Variants in ZFYVE26 observed in about 807,000 individuals in gnomAD.
The protein encoded by ZFYVE26 is zinc finger FYVE-type containing 26, also known as zinc finger FYVE domain-containing protein 26.
A neutral mutation model predicts 276.5 loss-of-function variants in ZFYVE26; 181 were observed. The ratio of observed to expected loss-of-function variants is 0.65; its 90% CI spans 0.58 to 0.74. The LOEUF (loss-of-function observed/expected upper bound fraction) is 0.74. Among genes scored for constraint, ZFYVE26 ranks in the 30% least tolerant of loss-of-function variants. ZFYVE26 has a pLI of 0.00. For missense variants in ZFYVE26, 2,821 were observed against 3,097.9 expected (o/e 0.91, Z 2.12); for synonymous variants, 1,129 against 1,203.1 (o/e 0.94, Z 1.27).
intron 39 of ZFYVE26, 59 bp downstream of exon 39, chr14:67,753,648 C>T (rs2038704600): frequency 1.3e-6 from 2 of 1,545,062 alleles, no homozygotes; most frequent in African/African-American, 2.7e-5. Flanking sequence ...ATAATCTCTC[C>T]CGGAACTGTG....
At chr14:67,733,931 T>C (rs971123790) in intron 13 of ZFYVE26, 42 of 1,040,884 alleles carry the variant, frequency 4.0e-5, no homozygotes, top group Middle Eastern at 4.4e-4. Context: ...CCTAAAGGAT[T>C]GTCCTCTTGG....
intron 28 of ZFYVE26, chr14:67,770,137 C>A: frequency 3.5e-6 from 1 of 287,706 alleles, no homozygotes; most frequent in South Asian, 3.7e-5. Flanking sequence ...GTTATTTTAG[C>A]AGGTGCCATT....
rs771261800 is a variant in ZFYVE26 at position 67,766,286 on chromosome 14, G to C, written c.5952C>G (p.Phe1984Leu). Residue 1984 changes from phenylalanine (F) to leucine (L), a missense_variant, in exon 32 of 42, where the codon TTC (phenylalanine) becomes TTG (leucine). Coordinates refer to ENST00000347230, the MANE Select transcript of ZFYVE26 (RefSeq NM_015346.4). ...LLTDIMKQLL[F>L]SAKMMFVKAG... is the part of the protein sequence containing the mutation. ...CTTTGACGAACATCATCTTGGCGCT[G>C]AACAGCAGCTGCTTCATGATGTCCG... 1.7e-5 allele frequency: 28 copies of C among 1,613,824 alleles called. No homozygotes were observed. Among genetic ancestry groups the C allele is most frequent in the Admixed American group, 8.3e-5 (5 of 60,006 alleles).
In ZFYVE26 at chr14:67,766,416, A is replaced by G. The variant is rs1064796739; in HGVS notation, c.5822T>C (p.Leu1941Pro). ...APSASLCIAI[L>P]NLHRDSIACG... ...GGCAATGCTGTCCCGGTGCAGATTC[A>G]GGATGGCAATGCACAAGGAGGCGCT... The change falls in exon 32 of 42, where the codon CTG becomes CCG. Residue 1941 changes from leucine to proline, a missense_variant. By Grantham distance (98) the Leu-to-Pro change is moderately conservative (BLOSUM62 -3). Transcript: ENST00000347230. 2 of 1,612,404 alleles carry G rather than the reference A, an allele frequency of 1.2e-6. No individual in the cohort carries two copies. Among genetic ancestry groups the G allele is most frequent in the Non-Finnish European group, 1.7e-6 (2 of 1,180,014 alleles).
downstream of ZFYVE26, among the ~76,000 whole-genome samples, chr14:67,745,862 C>G (rs184053683): frequency 0.034 from 4,538 of 131,582 alleles, 153 homozygotes; most frequent in African/African-American, 0.082. Context: ...ACTGTCTCTA[C>G]AAAAAATAAA....
intron 13 of ZFYVE26, chr14:67,735,443 G>A (rs2140165502): frequency 1.7e-6 from 1 of 604,874 alleles, no homozygotes; most frequent in Non-Finnish European, 3.0e-6. Flanking sequence ...AAAGGCCTTG[G>A]CTCTGCACAA....
Position 67,798,064 on chromosome 14 carries a change from A to G in ZFYVE26, c.2198T>C (p.Val733Ala). 4 of 1,614,108 alleles carry G rather than the reference A, an allele frequency of 2.5e-6. No homozygotes were observed. The highest frequency in any genetic ancestry group is 2.2e-5 in the East Asian group (1 of 44,876). The change falls in exon 11 of 42, where the codon GTC (valine) becomes GCC (alanine). Residue 733 changes from valine to alanine, a missense_variant. Coordinates refer to ENST00000347230, the MANE Select transcript of ZFYVE26 (RefSeq NM_015346.4). The part of the protein sequence containing the change: ...QSRLHRLSKV[V>A]SEAQWRHKVV... ...CTTGTGTCTCCACTGGGCCTCAGAG[A>G]CAACCTTGGAAAGTCGATGCAGGCG... is the stretch of plus-strand genomic sequence containing the variant.
chr14:67,788,636 CTA>C (rs1353712582), intron 16 of ZFYVE26, among the ~76,000 whole-genome samples: 1 of 152,176 alleles, frequency 6.6e-6, no homozygotes, highest in Non-Finnish European at 1.5e-5. Context: ...AATCTTAGCT[CTA>C]TGACGATAAG....
chr14:67,797,658 G>A lies in ZFYVE26; in HGVS notation c.2332+14C>T, dbSNP rs780805001. ...CCACTTGCCTAGTGCATGGGAATGA[G>A]CTCTTCAGATTACCTGCCTGGCTCC... is the stretch of plus-strand genomic sequence containing the variant. On this transcript the variant is annotated intron_variant, in intron 12 of 41. Transcript: ENST00000347230. 12 of 1,613,270 alleles carry A rather than the reference G, an allele frequency of 7.4e-6. No individual in the cohort carries two copies. The highest frequency in any genetic ancestry group is 1.0e-5 in the Non-Finnish European group (12 of 1,179,748).
chr14:67,740,818 G>T (rs192804773), intron 13 of ZFYVE26, among the ~76,000 whole-genome samples: 2 of 151,954 alleles, frequency 1.3e-5, no homozygotes, highest in Non-Finnish European at 2.9e-5. Context: ...TGAGGCAGGA[G>T]AATCATTTGA....
intron 27 of ZFYVE26, 30 bp downstream of exon 27, chr14:67,774,985 AT>A (rs1396350644): frequency 1.3e-6 from 2 of 1,543,196 alleles, no homozygotes; most frequent in African/African-American, 2.7e-5. Context: ...AAACTGAAAA[AT>A]TTTAGTGAAT....
chr14:67,797,741 G>A lies in ZFYVE26; in HGVS notation c.2263C>T (p.Arg755Ter), dbSNP rs1297072049. 7 of 1,614,024 alleles carry A rather than the reference G, an allele frequency of 4.3e-6. No homozygotes were observed. In the East Asian group the frequency reaches 6.7e-5, roughly 15 times the overall value. The change falls in exon 12 of 42, where the codon CGA becomes TGA. Residue 755 changes from arginine to a stop codon, truncating the protein, a stop_gained. Transcript: ENST00000347230. LOFTEE classifies it high-confidence loss of function. ...TGACGTGTGGCAGGCTGGTATCTTCGGGAAGGTTGCTCCTCTGAAAGAGCA... is the reference window on the plus strand; with the variant it reads ...TGACGTGTGGCAGGCTGGTATCTTCAGGAAGGTTGCTCCTCTGAAAGAGCA... ...SNHRSEEQPS[R>*]RYQPATRHPS...
At chr14:67,774,661 T>C (rs928951229) in intron 27 of ZFYVE26, among the ~76,000 whole-genome samples, 1 of 152,114 alleles carries the variant, frequency 6.6e-6, no homozygotes, top group Non-Finnish European at 1.5e-5. Flanking sequence ...GAATCTCCTT[T>C]GTAGAAAAAA....
intron 13 of ZFYVE26, among the ~76,000 whole-genome samples, chr14:67,733,033 C>T (rs987355653): frequency 3.3e-5 from 5 of 152,000 alleles, no homozygotes; most frequent in Non-Finnish European, 7.4e-5. Flanking sequence ...ATGACGAGTT[C>T]ATGGGTGCAG....
Position 67,787,105 on chromosome 14 carries a change from G to A in ZFYVE26, c.3020-872C>T, listed in dbSNP as rs112226420. The stretch of plus-strand genomic sequence containing the variant: ...TGAGTATAAAAAATAGTTAGAGGCC[G>A]GGTGTGGTGGCTCACACCTGTAATC... On this transcript the variant is annotated intron_variant, in intron 16 of 41. Coordinates refer to ENST00000347230, the MANE Select transcript of ZFYVE26 (RefSeq NM_015346.4). Among the ~76,000 whole-genome samples, 1,297 of 152,228 alleles carry A rather than the reference G, an allele frequency of 8.5e-3. 16 individuals are homozygous for A. Among genetic ancestry groups the A allele is most frequent in the African/African-American group, 0.03 (1,258 of 41,522 alleles).
At position 67,802,231 on chromosome 14, in the gene ZFYVE26, G is replaced by T; in HGVS notation, c.1487C>A (p.Thr496Lys). 6.2e-7 allele frequency: 1 copy of T among 1,614,226 alleles called. No individual in the cohort carries two copies. ...CATGGCACAGAAGCCCTGGTAGAGT[G>T]TCAGGTTCTGACACTGGCTCAGGTG... is the stretch of plus-strand genomic sequence containing the variant. ...PEHLSQCQNL[T>K]LYQGFCAMKY... Residue 496 changes from threonine to lysine, a missense_variant, in exon 10 of 42, where the codon ACA (threonine) becomes AAA (lysine). Physicochemically the swap from Thr to Lys is moderately conservative, Grantham distance 78. Transcript: ENST00000347230.
intron 41 of ZFYVE26, among the ~76,000 whole-genome samples, chr14:67,749,778 T>C (rs1056768454): frequency 6.6e-6 from 1 of 152,212 alleles, no homozygotes; most frequent in Admixed American, 6.5e-5. Context: ...CCCTAGGATG[T>C]TAGCTCTCCC....
intron 19 of ZFYVE26, 123 bp downstream of exon 19, chr14:67,784,936 T>C (rs1003825654): frequency 9.6e-7 from 1 of 1,038,188 alleles, no homozygotes. Flanking sequence ...AGGACAACCT[T>C]ATAAATCTAG....
intron 18 of ZFYVE26, among the ~76,000 whole-genome samples, 158 bp from the exon 19 acceptor site, chr14:67,785,435 A>C (rs2039623782): frequency 6.6e-6 from 1 of 152,198 alleles, no homozygotes; most frequent in South Asian, 2.1e-4. Flanking sequence ...TAAAATCCTA[A>C]GTCAGTCACT....
Sources: gnomAD v4.1 joint callset for allele counts (sites outside exome capture counted in the v4.1 genomes callset) on GRCh38, gnomAD v4.1.1 for gene constraint, MANE v1.5 for transcripts, NCBI Gene and HGNC (gene_info 2026-07-23, HGNC 2026-07-21) for gene names.